Variants in WDR27 observed in about 807,000 individuals in gnomAD.
WDR27 encodes WD repeat-containing protein 27.
Under a neutral mutation model 114.4 loss-of-function variants are expected in WDR27, and 100 were observed. The ratio of observed to expected loss-of-function variants is 0.87; its 90% CI spans 0.74 to 1.03. The LOEUF is 1.03. Ranked by LOEUF, WDR27 falls within the 50% of genes least tolerant of loss-of-function variation. The probability of loss-of-function intolerance (pLI) is 0.00; values close to 1 mark genes in which losing one functional copy is unlikely to be tolerated. For synonymous variants in WDR27, 449 were observed against 423.1 expected (o/e 1.06, Z -0.75); for missense variants, 1,129 against 1,092.9 (o/e 1.03, Z -0.47).
chr6:169,466,524 T>TA (rs1253154613), intron 25 of WDR27, among the ~76,000 whole-genome samples: 6 of 152,086 alleles, frequency 3.9e-5, no homozygotes, highest in Non-Finnish European at 4.4e-5. Context: ...CAAATGAGGG[T>TA]AACTGCTCCC....
chr6:169,485,649 C>A (rs1484161268), intron 25 of WDR27, among the ~76,000 whole-genome samples: 1 of 152,186 alleles, frequency 6.6e-6, no homozygotes, highest in South Asian at 2.1e-4. Flanking sequence ...CCAGTAATCC[C>A]ATTGTTGGGT....
chr6:169,527,483 G>A lies in WDR27; in HGVS notation c.2645+44936C>T, dbSNP rs182985727. ...TAGATGATTCGGGAGTGGGGAATTG[G>A]GACTGACTGCTAATAGTTACAGGGT... On this transcript the variant is annotated intron_variant, in intron 25 of 25. Coordinates refer to ENST00000448612, the MANE Select transcript of WDR27 (RefSeq NM_182552.5). 2.8e-4 allele frequency among the ~76,000 whole-genome samples: 43 copies of A among 152,266 alleles called. No homozygotes were observed. The East Asian group carries it at 8.3e-3, about 29-fold the overall frequency.
intron 25 of WDR27, among the ~76,000 whole-genome samples, chr6:169,495,470 G>GAT (rs532792458): frequency 4.8e-4 from 72 of 151,388 alleles, no homozygotes; most frequent in Middle Eastern, 3.4e-3. Context: ...AAATAAAGAA[G>GAT]ATATAAACCA....
chr6:169,583,152 G>A (rs1462711483), intron 23 of WDR27, among the ~76,000 whole-genome samples: 2 of 152,014 alleles, frequency 1.3e-5, no homozygotes, highest in Non-Finnish European at 2.9e-5. Flanking sequence ...ACATCTTAGT[G>A]AACTTATGTC....
intron 25 of WDR27, among the ~76,000 whole-genome samples, chr6:169,565,759 T>A (rs1468130398): frequency 2.0e-5 from 3 of 152,206 alleles, no homozygotes; most frequent in Non-Finnish European, 2.9e-5. Context: ...ACTTGCAGCA[T>A]CGACCTCCCA....
chr6:169,644,624 C>A (rs79404377), intron 16 of WDR27, among the ~76,000 whole-genome samples: 208 of 91,980 alleles, frequency 2.3e-3, no homozygotes, highest in Middle Eastern at 7.8e-3. Flanking sequence ...GTCACACTGT[C>A]GAAAAGCCTA....
chr6:169,697,366 C>G (rs1363261150), intron 1 of WDR27, among the ~76,000 whole-genome samples: 1 of 152,116 alleles, frequency 6.6e-6, no homozygotes, highest in Non-Finnish European at 1.5e-5. Flanking sequence ...CCAGGTGGAC[C>G]GAGGTCTAGC....
At chr6:169,458,266 A>G (rs997857267) in intron 25 of WDR27, among the ~76,000 whole-genome samples, 1 of 152,186 alleles carries the variant, frequency 6.6e-6, no homozygotes, top group African/African-American at 2.4e-5. Context: ...CAGGATGGGC[A>G]GAAAGCACCC....
intron 13 of WDR27, among the ~76,000 whole-genome samples, chr6:169,654,635 G>A (rs1410345746): frequency 2.0e-5 from 3 of 152,308 alleles, no homozygotes; most frequent in South Asian, 4.1e-4. Flanking sequence ...ATTTAGATGC[G>A]AAAAGCAGCA....
chr6:169,542,885 G>C (rs1307613762), intron 25 of WDR27, among the ~76,000 whole-genome samples: 1 of 151,968 alleles, frequency 6.6e-6, no homozygotes, highest in African/African-American at 2.4e-5. Context: ...TGATATTTGA[G>C]TTAATTCATT....
chr6:169,675,453 G>A (rs1779846713), intron 2 of WDR27, among the ~76,000 whole-genome samples: 1 of 152,116 alleles, frequency 6.6e-6, no homozygotes, highest in Non-Finnish European at 1.5e-5. Flanking sequence ...TATTTTAAGA[G>A]ATTTATTCTG....
chr6:169,633,510 C>A (rs1461459187), intron 20 of WDR27, among the ~76,000 whole-genome samples: 2 of 152,196 alleles, frequency 1.3e-5, no homozygotes, highest in Non-Finnish European at 2.9e-5. Flanking sequence ...GGAGACACAA[C>A]CCAGACAGTG....
At chr6:169,700,815 A>T (rs1179322160) in intron 1 of WDR27, among the ~76,000 whole-genome samples, 5 of 152,210 alleles carry the variant, frequency 3.3e-5, no homozygotes, top group Non-Finnish European at 7.3e-5. Context: ...CAGAAATAAT[A>T]AAGTTTTTTA....
the WDR27 span, chr6:169,426,981 G>GT: frequency 6.8e-6 from 1 of 147,242 alleles, no homozygotes; most frequent in African/African-American, 2.5e-5. Flanking sequence ...AGTGGGGGGG[G>GT]GGTGGCGGTT....
At chr6:169,555,328 C>A (rs1377280555) in intron 25 of WDR27, among the ~76,000 whole-genome samples, 1 of 151,896 alleles carries the variant, frequency 6.6e-6, no homozygotes, top group Non-Finnish European at 1.5e-5. Context: ...ACATTCCAAG[C>A]AAAGAAGAGC....
At chr6:169,552,558 A>T (rs1211297753) in intron 25 of WDR27, among the ~76,000 whole-genome samples, 1 of 152,234 alleles carries the variant, frequency 6.6e-6, no homozygotes, top group Non-Finnish European at 1.5e-5. Flanking sequence ...TAGCAATAAA[A>T]GAGGTGAAAT....
chr6:169,461,230 T>C (rs12526225), intron 25 of WDR27, among the ~76,000 whole-genome samples: 16,701 of 152,092 alleles, frequency 0.11, 1,129 homozygotes, highest in South Asian at 0.28. Context: ...AGACAGAACA[T>C]AGGTAAGGAC....
At chr6:169,631,151 TG>T (rs995163180) in intron 21 of WDR27, among the ~76,000 whole-genome samples, 17 of 152,222 alleles carry the variant, frequency 1.1e-4, no homozygotes, top group African/African-American at 3.9e-4. Context: ...ACACTTCGTT[TG>T]TGAAGTATGC....
chr6:169,621,635 C>T (rs370396948), intron 21 of WDR27, among the ~76,000 whole-genome samples: 1 of 151,798 alleles, frequency 6.6e-6, no homozygotes, highest in South Asian at 2.1e-4. Flanking sequence ...CATACCCACA[C>T]ATGCATATAC....
Sources: allele counts gnomAD v4.1 joint callset (sites outside exome capture counted in the v4.1 genomes callset), GRCh38; gene constraint gnomAD v4.1.1; transcripts MANE v1.5; gene names NCBI Gene and HGNC (gene_info 2026-07-23, HGNC 2026-07-21).